Variants in PNPLA6 observed in about 807,000 individuals in gnomAD.
The protein encoded by PNPLA6 is patatin like domain 6, lysophospholipase, also known as patatin-like phospholipase domain-containing protein 6.
A neutral mutation model predicts 153.7 loss-of-function variants in PNPLA6; 105 were observed. The ratio of observed to expected loss-of-function variants is 0.68; its 90% CI spans 0.58 to 0.80. The LOEUF (loss-of-function observed/expected upper bound fraction) is 0.80, where lower values mean the gene tolerates loss of function less well. PNPLA6 is among the 30% of genes least tolerant of loss of function. The pLI is 0.00. For missense variants in PNPLA6, 1,423 were observed against 1,919.3 expected (o/e 0.74, Z 4.83); for synonymous variants, 825 against 822.2 (o/e 1.00, Z -0.06).
intron 13 of PNPLA6, among the ~76,000 whole-genome samples, chr19:7,548,728 TATATATACACAC>T (rs2023497188): frequency 7.1e-5 from 1 of 14,120 alleles, no homozygotes; most frequent in African/African-American, 2.0e-4. Flanking sequence ...TACACACACA[TATATATACACAC>T]ATATATATAT....
intron 27 of PNPLA6, 192 bp downstream of exon 27, chr19:7,557,476 A>T (rs2023933684): frequency 1.5e-6 from 1 of 651,088 alleles, no homozygotes; most frequent in South Asian, 1.7e-5. Flanking sequence ...GTGGACAGCG[A>T]CATGTGCAGT....
Position 7,543,100 on chromosome 19 carries a change from GA to G in PNPLA6, c.1608+17del, listed in dbSNP as rs755976151. 2.0e-4 allele frequency: 324 copies of G among 1,607,270 alleles called. No individual in the cohort carries two copies. The highest frequency in any genetic ancestry group is 2.6e-4 in the Non-Finnish European group (307 of 1,174,130). On this transcript the variant is annotated intron_variant, in intron 13 of 31. Transcript: ENST00000600737. The stretch of plus-strand genomic sequence containing the variant: ...GGGAGACCAGGTGAGGCTGACCCCT[GA>G]CCTGTAACCATGCCACCTGAGATCA...
At chr19:7,545,805 G>A (rs761100907) in intron 13 of PNPLA6, among the ~76,000 whole-genome samples, 18 of 151,598 alleles carry the variant, frequency 1.2e-4, no homozygotes, top group Non-Finnish European at 2.1e-4. Flanking sequence ...CCAGCTACTC[G>A]GGAGCCTGAG....
chr19:7,540,836 G>A lies in PNPLA6; in HGVS notation c.796-87G>A, dbSNP rs2023100013. On this transcript the variant is annotated intron_variant, in intron 6 of 31. Transcript: ENST00000600737. The surrounding 1 kb of genome is among the most constrained non-coding windows in gnomAD (Gnocchi z 6.8). ...GTTATGCTGCCGATGGCCCCTCACGGGACTGGCGCCAGGAAGGATTAGGGG... is the reference window on the plus strand; with the variant it reads ...GTTATGCTGCCGATGGCCCCTCACGAGACTGGCGCCAGGAAGGATTAGGGG... 1.3e-6 allele frequency: 2 copies of A among 1,592,764 alleles called. No individual in the cohort carries two copies. Among genetic ancestry groups the A allele is most frequent in the Non-Finnish European group, 1.7e-6 (2 of 1,161,722 alleles).
chr19:7,549,057 C>T (rs1225919608), intron 13 of PNPLA6, among the ~76,000 whole-genome samples: 1 of 151,032 alleles, frequency 6.6e-6, no homozygotes, highest in Non-Finnish European at 1.5e-5. Context: ...CTGCCTCAGG[C>T]CTCCCAAAGT....
chr19:7,536,040 C>G lies in PNPLA6; in HGVS notation c.232+20C>G. On this transcript the variant is annotated intron_variant, in intron 1 of 31. Coordinates refer to ENST00000600737, the MANE Select transcript of PNPLA6 (RefSeq NM_001166114.2). ...TGCCAAGTGAGCACCCGAGGGGCCC[C>G]TCTTGGGAGGCTGTATGGTGGGGGG... is the stretch of plus-strand genomic sequence containing the variant. The G allele has an allele frequency of 6.3e-7, 1 of 1,577,904 alleles. No individual in the cohort carries two copies. Among genetic ancestry groups the G allele is most frequent in the Non-Finnish European group, 8.6e-7 (1 of 1,162,426 alleles).
rs745647357 is a variant in PNPLA6 at position 7,556,580 on chromosome 19, C to T, written c.3210+11C>T. The T allele has an allele frequency of 1.3e-6, 2 of 1,596,574 alleles. No individual in the cohort carries two copies. Among genetic ancestry groups the T allele is most frequent in the Non-Finnish European group, 8.6e-7 (1 of 1,164,074 alleles). On this transcript the variant is annotated intron_variant, in intron 25 of 31. Transcript: ENST00000600737. ...GATAAGCAGATTGAGGTAGGCCCAC[C>T]TCATCCCCTGCCCTGCCTACCCCTC...
chr19:7,536,791 G>C (rs1025528636), intron 3 of PNPLA6, among the ~76,000 whole-genome samples: 5 of 152,098 alleles, frequency 3.3e-5, no homozygotes, highest in Non-Finnish European at 5.9e-5. Flanking sequence ...GCTGGGCGTG[G>C]TGGCATGGGC....
chr19:7,535,472 G>T, upstream of PNPLA6: 1 of 1,448,976 alleles, frequency 6.9e-7, no homozygotes, highest in Non-Finnish European at 9.5e-7. This position sits in a 1 kb window ranked among gnomAD's most constrained non-coding sequence, Gnocchi z 5.0. Flanking sequence ...CCAGATTGAC[G>T]ACTTGCACGG....
rs910561472 is a variant in PNPLA6, at chr19:7,541,248, C to T, written c.925-106C>T. 2.5e-5 allele frequency: 29 copies of T among 1,161,238 alleles called. No homozygotes were observed. The highest frequency in any genetic ancestry group is 7.9e-5 in the Admixed American group (4 of 50,756). 71.9% of individuals were successfully genotyped at this position (1,161,238 alleles called of 1,614,324 possible). On this transcript the variant is annotated intron_variant, in intron 7 of 31. Transcript: ENST00000600737. This position sits in a 1 kb window ranked among gnomAD's most constrained non-coding sequence, Gnocchi z 5.2. ...CCATTTCCCCAGACTGTGGGTCTCT[C>T]CCTGGTTCCCGCCCGACCCCTTATG...
intron 13 of PNPLA6, chr19:7,549,591 C>CA (rs894716719): frequency 1.4e-5 from 6 of 415,960 alleles, no homozygotes; most frequent in Non-Finnish European, 2.7e-5. Context: ...CAGGTTCAGG[C>CA]AATTCTCTTG....
In PNPLA6 at chr19:7,541,174, G is replaced by C. The variant is rs140157839; in HGVS notation, c.924+123G>C. 0.021 allele frequency: 26,577 copies of C among 1,265,248 alleles called. 352 individuals carry two copies. Among genetic ancestry groups the C allele is most frequent in the Non-Finnish European group, 0.026 (23,050 of 890,308 alleles). 78.4% of individuals were successfully genotyped at this position (1,265,248 alleles called of 1,614,324 possible). A position where few individuals can be genotyped will look rare whatever the true frequency, so the allele number is the denominator to read the frequency against. On this transcript the variant is annotated intron_variant, in intron 7 of 31. Coordinates refer to ENST00000600737, the MANE Select transcript of PNPLA6 (RefSeq NM_001166114.2). The surrounding 1 kb of genome is among the most constrained non-coding windows in gnomAD (Gnocchi z 5.2). Reference sequence around the variant, plus strand: ...CGCTGGAGCTGTGGTTATCGGCCTGGAGCAGCCAGATGTCTGCAGCCGCGG... The same window carrying C: ...CGCTGGAGCTGTGGTTATCGGCCTGCAGCAGCCAGATGTCTGCAGCCGCGG...
rs762850838 is a variant in PNPLA6, at chr19:7,542,775, GCCT to G, written c.1379_1381del (p.Pro460del). 2.4e-5 allele frequency: 39 copies of G among 1,612,934 alleles called. No individual in the cohort carries two copies. The highest frequency in any genetic ancestry group is 5.0e-5 in the Admixed American group (3 of 60,014). Reference sequence around the variant, plus strand: ...GCCCCACTCAGACCCCCACTCAGGAGCCTCGTGAGCAGCCGGCAGGCGCCTGTG... The same window carrying G: ...GCCCCACTCAGACCCCCACTCAGGAGCGTGAGCAGCCGGCAGGCGCCTGTG... On this transcript the variant is annotated inframe_deletion, in exon 12 of 32. Transcript: ENST00000600737.
At chr19:7,542,138 G>A (rs993020917) in intron 10 of PNPLA6, 71 bp downstream of exon 10, 1 of 1,208,428 alleles carries the variant, frequency 8.3e-7, no homozygotes, top group African/African-American at 1.5e-5. Context: ...CCGCCTGCCT[G>A]TCTTGATTGT....
chr19:7,535,779 C>T lies in PNPLA6; in HGVS notation c.-10C>T. On this transcript the variant is annotated 5_prime_UTR_variant, in exon 1 of 32. Coordinates refer to ENST00000600737, the MANE Select transcript of PNPLA6 (RefSeq NM_001166114.2). This position sits in a 1 kb window ranked among gnomAD's most constrained non-coding sequence, Gnocchi z 5.0. ...CCCCGGGGAGGGAGCAGCACTGGCC[C>T]ATTCTGCAGATGGGGACATCGAGTC... 6.5e-7 allele frequency: 1 copy of T among 1,534,660 alleles called. No individual in the cohort carries two copies.
upstream of PNPLA6, chr19:7,535,029 T>C (rs1435131077): frequency 6.0e-6 from 1 of 166,514 alleles, no homozygotes; most frequent in African/African-American, 2.4e-5. The surrounding 1 kb of genome is among the most constrained non-coding windows in gnomAD (Gnocchi z 5.0). Context: ...GACCCCACGG[T>C]TTGCGGGCCC....
chr19:7,560,830 G>T, intron 29 of PNPLA6, 66 bp downstream of exon 29: 1 of 1,140,300 alleles, frequency 8.8e-7, no homozygotes, highest in Non-Finnish European at 1.3e-6. Flanking sequence ...CCCCCTTAAA[G>T]TCTCCCCGAA....
chr19:7,549,191 CT>C (rs144394695), intron 13 of PNPLA6, among the ~76,000 whole-genome samples: 15,361 of 138,448 alleles, frequency 0.11, 883 homozygotes, highest in African/African-American at 0.21. Flanking sequence ...TCTTTTTTTT[CT>C]TTTTTTTTTT....
chr19:7,557,974 G>A (rs2023957973), intron 27 of PNPLA6, among the ~76,000 whole-genome samples: 1 of 152,158 alleles, frequency 6.6e-6, no homozygotes, highest in South Asian at 2.1e-4. Flanking sequence ...GGGCAGGTAG[G>A]GCTTACACAC....
Sources: allele counts gnomAD v4.1 joint callset (sites outside exome capture counted in the v4.1 genomes callset), GRCh38; gene constraint gnomAD v4.1.1; non-coding constraint Gnocchi (gnomAD v3.1); transcripts MANE v1.5; gene names NCBI Gene and HGNC (gene_info 2026-07-23, HGNC 2026-07-21).